Variants in LDLRAD3 observed in about 807,000 individuals in gnomAD.
The protein encoded by LDLRAD3 is low density lipoprotein receptor class A domain containing 3.
LDLRAD3 carries 20 observed loss-of-function variants against 29.4 expected under a neutral mutation model. That is an observed-to-expected ratio of 0.68 (90% CI 0.48 to 0.99). LDLRAD3 has a LOEUF of 0.99. Among genes scored for constraint, LDLRAD3 ranks in the 50% least tolerant of loss-of-function variants. The pLI is 0.00. For synonymous variants in LDLRAD3, 157 were observed against 192.7 expected (o/e 0.81, Z 1.53); for missense variants, 420 against 454.3 (o/e 0.92, Z 0.69).
intron 4 of LDLRAD3, among the ~76,000 whole-genome samples, chr11:36,209,713 A>C (rs1377668484): frequency 1.3e-5 from 2 of 152,206 alleles, no homozygotes; most frequent in Non-Finnish European, 2.9e-5. Flanking sequence ...CCAAATAAAA[A>C]ATTAAATTTT....
At chr11:36,100,044 C>G (rs1853422736) in intron 4 of LDLRAD3, among the ~76,000 whole-genome samples, 1 of 152,052 alleles carries the variant, frequency 6.6e-6, no homozygotes, top group Non-Finnish European at 1.5e-5. Context: ...CATTCTAGAC[C>G]AGCTAAATCA....
chr11:36,206,725 CTTTTTTTTT>C (rs33957569), intron 4 of LDLRAD3, among the ~76,000 whole-genome samples: 8 of 133,114 alleles, frequency 6.0e-5, no homozygotes, highest in African/African-American at 1.7e-4. Flanking sequence ...GTTGATTTTA[CTTTTTTTTT>C]TTTTTTTTTT....
In LDLRAD3 at chr11:36,229,325, G is replaced by C. The variant is rs750264934; in HGVS notation, c.966G>C (p.Gly322=). The C allele has an allele frequency of 6.2e-7, 1 of 1,614,136 alleles. No homozygotes were observed. The highest frequency in any genetic ancestry group is 1.1e-5 in the South Asian group (1 of 91,078). Residue 322 remains glycine, a synonymous_variant, in exon 6 of 6, where the codon GGG becomes GGC. Transcript: ENST00000315571. The part of the protein sequence containing the change: ...LSVEDTSHSP[G]QPGPQEGTAE... ...TGGAAGACACCAGCCACAGCCCGGGGCAGCCTGGCCCCCAGGAGGGCACTG... is the reference window on the plus strand; with the variant it reads ...TGGAAGACACCAGCCACAGCCCGGGCCAGCCTGGCCCCCAGGAGGGCACTG...
chr11:35,982,110 G>A (rs1007172993), intron 1 of LDLRAD3, among the ~76,000 whole-genome samples: 5 of 152,152 alleles, frequency 3.3e-5, no homozygotes, highest in Admixed American at 2.0e-4. Context: ...TAGCAAGACC[G>A]AGTGGCTTAA....
chr11:35,958,452 T>G (rs1039897332), intron 1 of LDLRAD3, among the ~76,000 whole-genome samples: 5 of 152,152 alleles, frequency 3.3e-5, no homozygotes, highest in Non-Finnish European at 5.9e-5. Context: ...TTTCTTTATT[T>G]TCTTCTGTTC....
chr11:36,076,568 A>T (rs564133047), intron 2 of LDLRAD3, among the ~76,000 whole-genome samples: 4 of 152,010 alleles, frequency 2.6e-5, no homozygotes, highest in African/African-American at 9.7e-5. Flanking sequence ...TTGTATATGT[A>T]GTAGAGACGA....
chr11:36,167,439 G>A (rs1854530890), intron 4 of LDLRAD3, among the ~76,000 whole-genome samples: 1 of 152,094 alleles, frequency 6.6e-6, no homozygotes, highest in African/African-American at 2.4e-5. Flanking sequence ...ACTGGATTAG[G>A]GTGGGCCCTA....
intron 4 of LDLRAD3, among the ~76,000 whole-genome samples, chr11:36,224,641 C>T (rs2133391870): frequency 6.6e-6 from 1 of 152,252 alleles, no homozygotes. Context: ...AAAGAGTGAC[C>T]ACCACGGACT....
chr11:36,066,593 C>T (rs1438028737), intron 2 of LDLRAD3, among the ~76,000 whole-genome samples: 1 of 152,130 alleles, frequency 6.6e-6, no homozygotes, highest in African/African-American at 2.4e-5. Context: ...TTTAAAAACC[C>T]CTTTACATTA....
At chr11:36,206,151 A>G (rs1855204895) in intron 4 of LDLRAD3, among the ~76,000 whole-genome samples, 1 of 152,238 alleles carries the variant, frequency 6.6e-6, no homozygotes, top group South Asian at 2.1e-4. Context: ...AGAGAAGCAA[A>G]CATTCATTCT....
chr11:36,099,924 G>A (rs1853420411), intron 4 of LDLRAD3, among the ~76,000 whole-genome samples: 1 of 152,164 alleles, frequency 6.6e-6, no homozygotes, highest in African/African-American at 2.4e-5. Flanking sequence ...GTCTTTGCCT[G>A]GAAAATGCCT....
Position 35,968,450 on chromosome 11 carries a change from G to T in LDLRAD3, c.46+24306G>T. 8.0e-6 allele frequency: 3 copies of T among 375,810 alleles called. No individual in the cohort carries two copies. The South Asian group carries it at 8.0e-5, about 10-fold the overall frequency. 23.3% of individuals were successfully genotyped at this position (375,810 alleles called of 1,614,324 possible). A position where few individuals can be genotyped will look rare whatever the true frequency, so the allele number is the denominator to read the frequency against. On this transcript the variant is annotated intron_variant, in intron 1 of 5. Transcript: ENST00000315571. ...TGTCTCAGGATATTTGAGAAGGTGT[G>T]ACACTGGAGTCCTCAAAATCTGATC...
chr11:35,944,713 G>C lies in LDLRAD3; in HGVS notation c.46+569G>C, dbSNP rs1406358564. Reference sequence around the variant, plus strand: ...TTTGGGTAAAGTGAGTTGAAGCAAGGCCGGATCTGGGAATTCATTTTTCCC... The same window carrying C: ...TTTGGGTAAAGTGAGTTGAAGCAAGCCCGGATCTGGGAATTCATTTTTCCC... On this transcript the variant is annotated intron_variant, in intron 1 of 5. Transcript: ENST00000315571. The surrounding 1 kb of genome is among the most constrained non-coding windows in gnomAD (Gnocchi z 4.9). Among the ~76,000 whole-genome samples, 1 of 152,188 alleles carries C rather than the reference G, an allele frequency of 6.6e-6. No homozygotes were observed. The highest frequency in any genetic ancestry group is 2.4e-5 in the African/African-American group (1 of 41,450).
chr11:36,067,427 T>C (rs1852813798), intron 2 of LDLRAD3, among the ~76,000 whole-genome samples: 1 of 152,226 alleles, frequency 6.6e-6, no homozygotes, highest in Non-Finnish European at 1.5e-5. Context: ...TATAAAACGA[T>C]AGCAAATATA....
chr11:35,996,809 A>G (rs569337383), intron 1 of LDLRAD3, among the ~76,000 whole-genome samples: 1 of 152,306 alleles, frequency 6.6e-6, no homozygotes, highest in African/African-American at 2.4e-5. Flanking sequence ...TTTTGGTTAA[A>G]TGTGCCAGCC....
At chr11:36,052,688 A>G (rs1852546152) in intron 2 of LDLRAD3, among the ~76,000 whole-genome samples, 1 of 152,138 alleles carries the variant, frequency 6.6e-6, no homozygotes, top group African/African-American at 2.4e-5. Context: ...AATAAAATAG[A>G]ATCTACCTCC....
At chr11:36,012,321 C>A (rs975417588) in intron 1 of LDLRAD3, among the ~76,000 whole-genome samples, 1 of 152,194 alleles carries the variant, frequency 6.6e-6, no homozygotes, top group East Asian at 1.9e-4. Context: ...AGCACAAATT[C>A]TTTTTCCTTC....
intron 4 of LDLRAD3, among the ~76,000 whole-genome samples, chr11:36,130,484 G>C (rs1853909635): frequency 6.6e-6 from 1 of 152,222 alleles, no homozygotes; most frequent in Non-Finnish European, 1.5e-5. Flanking sequence ...TTGGAGGGCA[G>C]AAGGCTGGAG....
At chr11:35,967,228 T>C (rs1851353321) in intron 1 of LDLRAD3, 2 of 209,050 alleles carry the variant, frequency 9.6e-6, no homozygotes, top group Non-Finnish European at 2.0e-5. Flanking sequence ...GCTAGAGCTC[T>C]TCTGCTTTCC....
Sources: gnomAD v4.1 joint callset for allele counts (sites outside exome capture counted in the v4.1 genomes callset) on GRCh38, gnomAD v4.1.1 for gene constraint, Gnocchi (gnomAD v3.1) non-coding constraint, MANE v1.5 for transcripts, NCBI Gene and HGNC (gene_info 2026-07-23, HGNC 2026-07-21) for gene names.